Variants in CHD9 observed in about 807,000 individuals in gnomAD.
The protein encoded by CHD9 is ATP-dependent chromatin remodeler CHD9.
Under a neutral mutation model 316.1 loss-of-function variants are expected in CHD9, and 77 were observed. The observed-to-expected ratio is 0.24, with a 90% CI of 0.20 to 0.29. The LOEUF (loss-of-function observed/expected upper bound fraction) is 0.29, where lower values mean the gene tolerates loss of function less well. CHD9 is among the 10% of genes least tolerant of loss of function. The pLI is 1.00. For synonymous variants in CHD9, 1,129 were observed against 1,158.3 expected (o/e 0.97, Z 0.51); for missense variants, 2,763 against 3,438.1 (o/e 0.80, Z 4.91).
intron 2 of CHD9, among the ~76,000 whole-genome samples, chr16:53,158,693 G>A (rs1000986993): frequency 1.3e-5 from 2 of 151,924 alleles, no homozygotes; most frequent in African/African-American, 4.8e-5. Flanking sequence ...TTGAAGTGCA[G>A]TGGCACCATC....
intron 1 of CHD9, among the ~76,000 whole-genome samples, chr16:53,091,567 G>A (rs1274014005): frequency 3.3e-5 from 5 of 152,172 alleles, no homozygotes; most frequent in Admixed American, 2.6e-4. Flanking sequence ...GACCCCTGCC[G>A]TAGTTACTCT....
chr16:53,143,609 G>A (rs1187212905), intron 1 of CHD9, among the ~76,000 whole-genome samples: 3 of 151,862 alleles, frequency 2.0e-5, no homozygotes, highest in African/African-American at 7.3e-5. Flanking sequence ...GGATGGTCTC[G>A]ATCTCCTGAC....
Position 53,268,084 on chromosome 16 carries a change from C to T in CHD9, c.4675C>T (p.Pro1559Ser). 6.2e-7 allele frequency: 1 copy of T among 1,612,374 alleles called. No homozygotes were observed. Among genetic ancestry groups the T allele is most frequent in the Non-Finnish European group, 8.5e-7 (1 of 1,179,092 alleles). Residue 1559 changes from proline to serine, a missense_variant, in exon 22 of 39, where the codon CCA becomes TCA. Pro to Ser is a moderately conservative substitution (Grantham distance 74, BLOSUM62 -1). Around this residue, in one of 15 missense-constraint regions of CHD9, gnomAD observed 99 missense variants for 131.6 expected, o/e 0.75. Coordinates refer to ENST00000447540, the MANE Select transcript of CHD9 (RefSeq NM_001308319.2). ...IKGFIWDLITPTEDGQTRELQ... is the reference protein window; with the variant it reads ...IKGFIWDLITSTEDGQTRELQ... ...AGGTTTCATATGGGATCTCATTACT[C>T]CAACTGAAGATGGACAGACACGAGA...
chr16:53,076,560 A>C, intron 1 of CHD9, among the ~76,000 whole-genome samples: 1 of 151,734 alleles, frequency 6.6e-6, no homozygotes, highest in Non-Finnish European at 1.5e-5. Context: ...GGATGACAAG[A>C]GTGAAACTCC....
intron 1 of CHD9, among the ~76,000 whole-genome samples, chr16:53,109,004 T>A (rs1211326308): frequency 6.6e-6 from 1 of 152,046 alleles, no homozygotes; most frequent in Non-Finnish European, 1.5e-5. Context: ...GGAGAGGGGG[T>A]GTATCTGGGG....
Position 53,254,719 on chromosome 16 carries a change from T to G in CHD9, c.4029+114T>G, listed in dbSNP as rs531710031. 1,790 of 858,460 alleles carry G rather than the reference T, an allele frequency of 2.1e-3. 22 individuals carry two copies. The highest frequency in any genetic ancestry group is 5.1e-4 in the Non-Finnish European group (296 of 583,744). The allele number at this position is 858,460 out of a possible 1,614,324, so 53.2% of individuals were successfully genotyped here. A position where few individuals can be genotyped will look rare whatever the true frequency, so the allele number is the denominator to read the frequency against. On this transcript the variant is annotated intron_variant, in intron 18 of 38. Coordinates refer to ENST00000447540, the MANE Select transcript of CHD9 (RefSeq NM_001308319.2). ...TGCAGAATACTAAACACATTTGTTT[T>G]CTGCAGGGGAACATTTTCAGGACAG...
At chr16:53,114,689 G>A (rs971756364) in intron 1 of CHD9, among the ~76,000 whole-genome samples, 5 of 152,166 alleles carry the variant, frequency 3.3e-5, no homozygotes, top group East Asian at 3.9e-4. Context: ...GCGGGTTCAC[G>A]CCATTCTCCT....
intron 1 of CHD9, among the ~76,000 whole-genome samples, chr16:53,104,129 C>CA (rs2037123086): frequency 6.6e-6 from 1 of 152,234 alleles, no homozygotes; most frequent in South Asian, 2.1e-4. Flanking sequence ...GCTTTGACTG[C>CA]ATTTAACTCC....
chr16:53,239,561 A>T (rs747972664), intron 12 of CHD9, among the ~76,000 whole-genome samples: 6 of 152,190 alleles, frequency 3.9e-5, no homozygotes, highest in Non-Finnish European at 8.8e-5. Context: ...GAAAAGGTTT[A>T]TCTCCTGGCA....
At position 53,304,459 on chromosome 16, in the gene CHD9, A is replaced by C. The variant is rs367586766; in HGVS notation, c.6453A>C (p.Ser2151=). Reference sequence around the variant, plus strand: ...GTTCTTCCAGATCATCTTCTTCCTCATCATCCTCTTCTTGCTCCCACTCTC... The same window carrying C: ...GTTCTTCCAGATCATCTTCTTCCTCCTCATCCTCTTCTTGCTCCCACTCTC... The part of the protein sequence containing the change: ...SSCSSRSSSS[S]SSSSCSHSRS... The change falls in exon 31 of 39, where the codon TCA becomes TCC. Residue 2151 remains serine, a synonymous_variant. Transcript: ENST00000447540. 5.1e-6 allele frequency: 8 copies of C among 1,572,692 alleles called. No homozygotes were observed. The South Asian group carries it at 7.0e-5, about 14-fold the overall frequency.
chr16:53,107,508 TA>T (rs1217806697), intron 1 of CHD9, among the ~76,000 whole-genome samples: 1 of 147,104 alleles, frequency 6.8e-6, no homozygotes, highest in Non-Finnish European at 1.5e-5. Flanking sequence ...TAAAATAAAA[TA>T]AAATATAAAA....
rs771826146 is a variant in CHD9 at position 53,254,562 on chromosome 16, C to T, written c.3986C>T (p.Ala1329Val). The T allele has an allele frequency of 2.5e-6, 4 of 1,612,994 alleles. 1 individual carries two copies. In the South Asian group the frequency reaches 3.3e-5, roughly 13 times the overall value. The change falls in exon 18 of 39, where the codon GCT (alanine) becomes GTT (valine). Residue 1329 changes from alanine (A) to valine (V), a missense_variant. By Grantham distance (64) the Ala-to-Val change is moderately conservative (BLOSUM62 0). This residue lies in a region of CHD9 where 199 missense variants were observed against 251.7 expected (regional missense o/e 0.79). Coordinates refer to ENST00000447540, the MANE Select transcript of CHD9 (RefSeq NM_001308319.2). ...RASLKLGLDKAVLQSMSGRES... is the reference protein window; with the variant it reads ...RASLKLGLDKVVLQSMSGRES... ...AGTTTGAAACTGGGCCTAGATAAAG[C>T]TGTGTTACAGAGCATGAGTGGAAGA...
At chr16:53,146,568 CG>C (rs2040642621) in intron 1 of CHD9, among the ~76,000 whole-genome samples, 1 of 149,860 alleles carries the variant, frequency 6.7e-6, no homozygotes, top group Admixed American at 6.7e-5. Context: ...GAGGCCGAGG[CG>C]GGTGGATCAC....
At chr16:53,291,642 TA>T in intron 27 of CHD9, 82 bp from the exon 28 acceptor site, 1 of 901,604 alleles carries the variant, frequency 1.1e-6, no homozygotes. Flanking sequence ...CTCTCTGTTA[TA>T]AAGAAGTTTG....
At chr16:53,163,938 T>C (rs1467430731) in intron 2 of CHD9, among the ~76,000 whole-genome samples, 1 of 152,206 alleles carries the variant, frequency 6.6e-6, no homozygotes, top group Non-Finnish European at 1.5e-5. Flanking sequence ...GGATATGATT[T>C]TTTTCCTTCA....
intron 2 of CHD9, among the ~76,000 whole-genome samples, chr16:53,170,457 G>A (rs2042622294): frequency 6.6e-6 from 1 of 152,044 alleles, no homozygotes; most frequent in African/African-American, 2.4e-5. Flanking sequence ...AAGTACTTCT[G>A]GTGCAAGAAC....
chr16:53,189,642 A>G (rs1237941173), intron 2 of CHD9, among the ~76,000 whole-genome samples: 3 of 151,764 alleles, frequency 2.0e-5, no homozygotes, highest in African/African-American at 4.8e-5. Flanking sequence ...CTGCAGTTTG[A>G]ATTTATGATT....
chr16:53,166,860 T>G (rs888361064), intron 2 of CHD9, among the ~76,000 whole-genome samples: 2 of 152,184 alleles, frequency 1.3e-5, no homozygotes. Flanking sequence ...TTTTCCTACA[T>G]AAGTATGTGT....
intron 2 of CHD9, among the ~76,000 whole-genome samples, chr16:53,178,414 T>G (rs966665991): frequency 1.7e-4 from 26 of 150,394 alleles, no homozygotes; most frequent in Non-Finnish European, 2.9e-4. Flanking sequence ...ATACTTCTTG[T>G]TTTTGTTGGT....
Sources: gnomAD v4.1 joint callset for allele counts (sites outside exome capture counted in the v4.1 genomes callset) on GRCh38, gnomAD v4.1.1 for gene constraint, gnomAD v4.1.1 regional missense constraint, MANE v1.5 for transcripts, NCBI Gene and HGNC (gene_info 2026-07-23, HGNC 2026-07-21) for gene names.